Variants in STARD13 observed in about 807,000 individuals in gnomAD.
STARD13 encodes the protein stAR-related lipid transfer protein 13.
A neutral mutation model predicts 106.4 loss-of-function variants in STARD13; 62 were observed. That is an observed-to-expected ratio of 0.58 (90% CI 0.48 to 0.72). STARD13 has a LOEUF of 0.72. Among genes scored for constraint, STARD13 ranks in the 30% least tolerant of loss-of-function variants. The pLI, the probability that STARD13 is intolerant of heterozygous loss-of-function variation, is 0.00. For synonymous variants in STARD13, 565 were observed against 553.0 expected, an observed-to-expected ratio of 1.02 and a Z score of -0.31; for missense variants, 1,387 against 1,424.0, an observed-to-expected ratio of 0.97 and a Z score of 0.42.
At chr13:33,562,274 T>G in the STARD13 span, among the ~76,000 whole-genome samples, 2 of 147,022 alleles carry the variant, frequency 1.4e-5, no homozygotes, top group Admixed American at 7.0e-5. Context: ...TAATTTTCTT[T>G]ATGGCCGTGT....
intron 1 of STARD13, among the ~76,000 whole-genome samples, chr13:33,301,731 C>T (rs1318788154): frequency 6.6e-6 from 1 of 152,100 alleles, no homozygotes; most frequent in African/African-American, 2.4e-5. Context: ...CCATGCCTGG[C>T]TAATATTTTT....
At chr13:33,542,924 C>T in the STARD13 span, among the ~76,000 whole-genome samples, 3 of 152,206 alleles carry the variant, frequency 2.0e-5, no homozygotes, top group South Asian at 4.1e-4. Context: ...TTCCTTTCTC[C>T]CGCCCTGGAC....
intron 1 of STARD13, among the ~76,000 whole-genome samples, chr13:33,307,801 A>G (rs4570706): frequency 0.057 from 8,658 of 152,310 alleles, 325 homozygotes; most frequent in Middle Eastern, 0.13. Flanking sequence ...CTACGCATGT[A>G]TCCTGGAACT....
the STARD13 span, among the ~76,000 whole-genome samples, chr13:33,476,789 A>C: frequency 2.6e-5 from 4 of 152,202 alleles, no homozygotes; most frequent in Non-Finnish European, 5.9e-5. Flanking sequence ...TGAGCCTTTT[A>C]ACATCTTGAA....
Position 33,128,845 on chromosome 13 carries a change from C to T in STARD13, c.1748+84G>A, listed in dbSNP as rs145684481. 9.6e-4 allele frequency: 1,325 copies of T among 1,381,752 alleles called. 16 individuals carry two copies. The African/African-American group carries it at 0.016, about 17-fold the overall frequency. The allele number at this position is 1,381,752 out of a possible 1,614,324, so 85.6% of individuals were successfully genotyped here. On this transcript the variant is annotated intron_variant, in intron 5 of 13. Coordinates refer to ENST00000336934, the MANE Select transcript of STARD13 (RefSeq NM_178006.4). Reference sequence around the variant, plus strand: ...CAGAGTCAGGCATTTAGTAAGTACTCTGTGTATGTTTGTTAAAGAAATAAA... The same window carrying T: ...CAGAGTCAGGCATTTAGTAAGTACTTTGTGTATGTTTGTTAAAGAAATAAA...
At chr13:33,506,691 A>G in the STARD13 span, among the ~76,000 whole-genome samples, 5 of 152,228 alleles carry the variant, frequency 3.3e-5, no homozygotes, top group African/African-American at 7.2e-5. Flanking sequence ...TGACCAATGG[A>G]TTTTAATGTA....
At chr13:33,283,232 G>A (rs948409391) in intron 1 of STARD13, among the ~76,000 whole-genome samples, 2 of 152,016 alleles carry the variant, frequency 1.3e-5, no homozygotes. Flanking sequence ...AGTCTAAAAA[G>A]TCTCTAGTAT....
the STARD13 span, among the ~76,000 whole-genome samples, chr13:33,495,842 TG>T: frequency 0.04 from 5,854 of 145,710 alleles, 365 homozygotes; most frequent in African/African-American, 0.14. Context: ...ACAATTAGAA[TG>T]TACTATAATT....
chr13:33,429,555 A>G, the STARD13 span, among the ~76,000 whole-genome samples: 3 of 152,152 alleles, frequency 2.0e-5, no homozygotes, highest in Non-Finnish European at 4.4e-5. Flanking sequence ...AATGTGGTAC[A>G]TACACACAAT....
the STARD13 span, among the ~76,000 whole-genome samples, chr13:33,417,771 T>A: frequency 6.6e-6 from 1 of 151,984 alleles, no homozygotes; most frequent in Non-Finnish European, 1.5e-5. Context: ...GAGGTAAGAC[T>A]GGGGGGGAAA....
chr13:33,493,278 G>T, the STARD13 span, among the ~76,000 whole-genome samples: 1 of 152,066 alleles, frequency 6.6e-6, no homozygotes, highest in Admixed American at 6.6e-5. Flanking sequence ...TTAGATTCAG[G>T]GATCTTGTCT....
At chr13:33,528,243 C>CATATATATATATACAT in the STARD13 span, among the ~76,000 whole-genome samples, 1 of 93,482 alleles carries the variant, frequency 1.1e-5, no homozygotes, top group South Asian at 3.0e-4. Context: ...TATATATATA[C>CATATATATATATACAT]ATATATATAT....
intron 1 of STARD13, among the ~76,000 whole-genome samples, chr13:33,244,975 C>T (rs1238700943): frequency 6.6e-6 from 1 of 152,204 alleles, no homozygotes; most frequent in African/African-American, 2.4e-5. Flanking sequence ...ATTAAGCTGT[C>T]TCTGAAGTGA....
chr13:33,245,561 T>A (rs552983887), intron 1 of STARD13, among the ~76,000 whole-genome samples: 2 of 152,198 alleles, frequency 1.3e-5, no homozygotes, highest in South Asian at 2.1e-4. Context: ...ACTAATGCCC[T>A]TGAGCTACTT....
At chr13:33,350,205 G>A (rs1028789215) in intron 1 of STARD13, 1 of 1,432,152 alleles carries the variant, frequency 7.0e-7, no homozygotes, top group Non-Finnish European at 9.1e-7. Flanking sequence ...GGAGCCCAGA[G>A]CAGAGGAGGG....
At chr13:33,268,504 G>A (rs1392990813) in intron 1 of STARD13, among the ~76,000 whole-genome samples, 1 of 152,162 alleles carries the variant, frequency 6.6e-6, no homozygotes, top group Non-Finnish European at 1.5e-5. Flanking sequence ...GCAGGTGTGA[G>A]AACACTTCAT....
chr13:33,593,878 T>A, the STARD13 span, among the ~76,000 whole-genome samples: 1 of 152,128 alleles, frequency 6.6e-6, no homozygotes. Context: ...TTGCCTAAGC[T>A]CTTCCAATAG....
the STARD13 span, among the ~76,000 whole-genome samples, chr13:33,453,699 G>C: frequency 2.0e-4 from 31 of 152,108 alleles, no homozygotes; most frequent in Non-Finnish European, 3.7e-4. Flanking sequence ...AACATTTTTA[G>C]ACAAAACACA....
At chr13:33,289,091 G>A (rs1465054846), upstream of STARD13, among the ~76,000 whole-genome samples, 3 of 152,148 alleles carry the variant, frequency 2.0e-5, no homozygotes, top group East Asian at 5.8e-4. Context: ...GTGAGTGCAT[G>A]AAGTCCTATG....
Sources: gnomAD v4.1 joint callset for allele counts (sites outside exome capture counted in the v4.1 genomes callset) on GRCh38, gnomAD v4.1.1 for gene constraint, MANE v1.5 for transcripts, NCBI Gene and HGNC (gene_info 2026-07-23, HGNC 2026-07-21) for gene names.